The following SNX29 variants were observed in gnomAD, a reference collection of about 807,000 sequenced individuals.
The protein encoded by SNX29 is sorting nexin 29.
A neutral mutation model predicts 102.1 loss-of-function variants in SNX29; 78 were observed. The observed-to-expected ratio is 0.76, with a 90% CI of 0.64 to 0.92. The LOEUF is 0.92. SNX29 is among the 40% of genes least tolerant of loss of function. The pLI is 0.00. For missense variants in SNX29, 1,280 were observed against 1,061.7 expected (o/e 1.21, Z -2.86); for synonymous variants, 580 against 414.5 (o/e 1.40, Z -4.85).
chr16:12,065,959 G>A (rs1245093688), intron 9 of SNX29, among the ~76,000 whole-genome samples: 1 of 152,142 alleles, frequency 6.6e-6, no homozygotes, highest in African/African-American at 2.4e-5. Context: ...TGTCTTGGGG[G>A]CCTTAAGGAT....
In SNX29 at chr16:12,360,043, C is replaced by T. The variant is rs1034788430; in HGVS notation, c.1899+3764C>T. ...TTCTCCATTTTGGCCAGGCTGGTCT[C>T]GAACTCCTGATCTCGAGTGATCTGC... On this transcript the variant is annotated intron_variant, in intron 16 of 20. Coordinates refer to ENST00000566228, the MANE Select transcript of SNX29 (RefSeq NM_032167.5). 8.5e-5 allele frequency among the ~76,000 whole-genome samples: 13 copies of T among 152,142 alleles called. No individual in the cohort carries two copies. The East Asian group carries it at 1.4e-3, about 16-fold the overall frequency.
intron 20 of SNX29, among the ~76,000 whole-genome samples, chr16:12,535,803 G>A (rs2077060145): frequency 6.6e-6 from 1 of 152,112 alleles, no homozygotes; most frequent in Non-Finnish European, 1.5e-5. Context: ...CGCAGCCACT[G>A]TGTAAGCCTT....
chr16:12,081,688 AAAAAAAAGAAAAG>A (rs2051895200), intron 11 of SNX29: 1 of 138,974 alleles, frequency 7.2e-6, no homozygotes, highest in East Asian at 2.1e-4. Context: ...AAAAAAAAAA[AAAAAAAAGAAAAG>A]AAAAGAAAAG....
intron 15 of SNX29, among the ~76,000 whole-genome samples, chr16:12,308,623 A>G (rs2080426376): frequency 6.6e-6 from 1 of 152,198 alleles, no homozygotes; most frequent in African/African-American, 2.4e-5. Context: ...AACAGGAAAC[A>G]AGACAGAAAA....
At chr16:12,218,339 T>C (rs531658914) in intron 14 of SNX29, among the ~76,000 whole-genome samples, 2 of 152,360 alleles carry the variant, frequency 1.3e-5, no homozygotes, top group South Asian at 4.1e-4. Context: ...AACAAACGTA[T>C]ATCTATTCTT....
intron 13 of SNX29, among the ~76,000 whole-genome samples, chr16:12,192,982 G>A (rs143064197): frequency 6.6e-6 from 1 of 152,264 alleles, no homozygotes; most frequent in African/African-American, 2.4e-5. Context: ...GATTACAGGC[G>A]TAAGCCACTG....
intron 16 of SNX29, among the ~76,000 whole-genome samples, chr16:12,377,328 C>G (rs1349560175): frequency 6.6e-6 from 1 of 152,178 alleles, no homozygotes; most frequent in African/African-American, 2.4e-5. Context: ...GTTGGCTGGG[C>G]CACTGCTCTG....
At chr16:12,449,980 A>AT (rs1467603188) in intron 18 of SNX29, among the ~76,000 whole-genome samples, 1 of 152,098 alleles carries the variant, frequency 6.6e-6, no homozygotes, top group Admixed American at 6.6e-5. Context: ...CAACTGAATC[A>AT]TGGGGGGCGG....
chr16:12,369,969 C>T (rs1441115225), intron 16 of SNX29, among the ~76,000 whole-genome samples: 1 of 152,200 alleles, frequency 6.6e-6, no homozygotes, highest in Non-Finnish European at 1.5e-5. Flanking sequence ...GTAATCCCAG[C>T]ACTTTGGGAG....
At chr16:12,100,590 G>A (rs1467166389) in intron 11 of SNX29, among the ~76,000 whole-genome samples, 1 of 152,164 alleles carries the variant, frequency 6.6e-6, no homozygotes, top group Non-Finnish European at 1.5e-5. Context: ...TGACTTTTGA[G>A]TAGGGGCCTG....
chr16:12,368,711 C>T lies in SNX29; in HGVS notation c.1899+12432C>T, dbSNP rs371515381. Among the ~76,000 whole-genome samples the T allele has an allele frequency of 4.8e-4, 73 of 152,300 alleles. 1 individual carries two copies. Among genetic ancestry groups the T allele is most frequent in the African/African-American group, 1.6e-3 (68 of 41,548 alleles). On this transcript the variant is annotated intron_variant, in intron 16 of 20. Transcript: ENST00000566228. ...ATTGGAAGGCAGCTTTTTACCCCTC[C>T]GTTCTACCTGTCCTGTCTTCTCTTC...
At chr16:12,511,635 C>T (rs920838258) in intron 19 of SNX29, among the ~76,000 whole-genome samples, 16 of 152,152 alleles carry the variant, frequency 1.1e-4, no homozygotes, top group Admixed American at 5.2e-4. Flanking sequence ...TGTAGATGCG[C>T]GATCAGGTTT....
In SNX29 at chr16:12,181,824, G is replaced by T. The variant is rs1724561766; in HGVS notation, c.1596-17777G>T. The stretch of plus-strand genomic sequence containing the variant: ...TTATCCTTGCCTGCTTATATTTTGG[G>T]GTTTATGGGGGTACCTTGTCACCTA... On this transcript the variant is annotated intron_variant, in intron 13 of 20. Transcript: ENST00000566228. Among the ~76,000 whole-genome samples, 7 of 151,910 alleles carry T rather than the reference G, an allele frequency of 4.6e-5. No homozygotes were observed. The South Asian group carries it at 1.5e-3, about 32-fold the overall frequency.
intron 14 of SNX29, among the ~76,000 whole-genome samples, chr16:12,226,571 C>G (rs2077615829): frequency 9.0e-6 from 1 of 111,322 alleles, no homozygotes; most frequent in Non-Finnish European, 2.1e-5. Flanking sequence ...TGGACTGAGC[C>G]TTCTTTTTTT....
chr16:12,276,958 A>T (rs1339847283), intron 14 of SNX29, among the ~76,000 whole-genome samples: 3 of 152,144 alleles, frequency 2.0e-5, no homozygotes, highest in Non-Finnish European at 4.4e-5. Flanking sequence ...CTGTCATCCT[A>T]AGTATGGTTT....
chr16:12,273,342 G>GTTT (rs59985462), intron 14 of SNX29, among the ~76,000 whole-genome samples: 1 of 145,048 alleles, frequency 6.9e-6, no homozygotes, highest in Non-Finnish European at 1.5e-5. Flanking sequence ...TTTGTTTTTT[G>GTTT]TTTTTTTTTT....
At chr16:12,468,364 G>A (rs1168458141) in intron 18 of SNX29, among the ~76,000 whole-genome samples, 1 of 151,698 alleles carries the variant, frequency 6.6e-6, no homozygotes, top group Non-Finnish European at 1.5e-5. Flanking sequence ...TAGTAGAGAC[G>A]GGGTTTCACC....
intron 14 of SNX29, among the ~76,000 whole-genome samples, chr16:12,248,905 T>C (rs1256227925): frequency 6.6e-6 from 1 of 152,042 alleles, no homozygotes; most frequent in African/African-American, 2.4e-5. Flanking sequence ...CTCTGCCGAG[T>C]CTTAGTGTCC....
intron 11 of SNX29, among the ~76,000 whole-genome samples, chr16:12,107,062 C>T (rs948612269): frequency 2.0e-5 from 3 of 152,208 alleles, no homozygotes; most frequent in Non-Finnish European, 4.4e-5. Context: ...AAGCAATCCT[C>T]CCTCCTCGGC....
Sources: allele counts gnomAD v4.1 joint callset (sites outside exome capture counted in the v4.1 genomes callset), GRCh38; gene constraint gnomAD v4.1.1; transcripts MANE v1.5; gene names NCBI Gene and HGNC (gene_info 2026-07-23, HGNC 2026-07-21).